Variants in IL26 observed in about 807,000 individuals in gnomAD.
IL26 encodes interleukin 26.
Under a neutral mutation model 21.7 loss-of-function variants are expected in IL26, and 23 were observed. The ratio of observed to expected loss-of-function variants is 1.06; its 90% CI spans 0.76 to 1.50. The LOEUF (loss-of-function observed/expected upper bound fraction) is 1.50, where lower values mean the gene tolerates loss of function less well. IL26 is among the 40% of genes most tolerant of loss of function. The probability of loss-of-function intolerance (pLI) is 0.00; values close to 1 mark genes in which losing one functional copy is unlikely to be tolerated. For missense variants in IL26, 204 were observed against 196.0 expected, an observed-to-expected ratio of 1.04 and a Z score of -0.24; for synonymous variants, 63 against 67.8, an observed-to-expected ratio of 0.93 and a Z score of 0.34.
intron 3 of IL26, among the ~76,000 whole-genome samples, chr12:68,224,281 A>T (rs1869161377): frequency 7.2e-6 from 1 of 139,812 alleles, no homozygotes; most frequent in South Asian, 2.4e-4. Flanking sequence ...ATTCTGGCTC[A>T]GTGTTTTTGT....
At chr12:68,214,401 T>G (rs1400735024) in intron 3 of IL26, among the ~76,000 whole-genome samples, 2 of 152,172 alleles carry the variant, frequency 1.3e-5, no homozygotes, top group Admixed American at 6.5e-5. Context: ...TTTTCCTGTC[T>G]AAATGATCTG....
chr12:68,206,760 G>A (rs1406067476), intron 3 of IL26, among the ~76,000 whole-genome samples: 1 of 152,138 alleles, frequency 6.6e-6, no homozygotes, highest in African/African-American at 2.4e-5. Context: ...TTCCAGAATA[G>A]GACACTTCCA....
intron 3 of IL26, among the ~76,000 whole-genome samples, chr12:68,216,886 C>T (rs1868900344): frequency 6.6e-6 from 1 of 152,176 alleles, no homozygotes; most frequent in Non-Finnish European, 1.5e-5. Context: ...TAAAAACTAA[C>T]AGAAATTATT....
At chr12:68,211,856 G>A (rs867444524) in intron 3 of IL26, among the ~76,000 whole-genome samples, 3 of 151,922 alleles carry the variant, frequency 2.0e-5, no homozygotes, top group Admixed American at 1.3e-4. Context: ...TGTTTCCTTT[G>A]CTGGGCAGAG....
intron 3 of IL26, among the ~76,000 whole-genome samples, chr12:68,216,916 C>G (rs1191258501): frequency 2.0e-5 from 3 of 152,144 alleles, no homozygotes; most frequent in East Asian, 1.9e-4. Context: ...ATTTTGATCA[C>G]TAGCAATTAG....
chr12:68,205,271 C>T (rs532357119), intron 3 of IL26, among the ~76,000 whole-genome samples: 24 of 151,924 alleles, frequency 1.6e-4, no homozygotes, highest in Admixed American at 2.0e-4. Context: ...TGCTGGATAA[C>T]GTTAGGTGCA....
intron 3 of IL26, among the ~76,000 whole-genome samples, chr12:68,215,361 A>G (rs911679228): frequency 1.3e-5 from 2 of 152,124 alleles, no homozygotes; most frequent in African/African-American, 2.4e-5. Context: ...TAAAATTCCA[A>G]TTCTGTTACT....
chr12:68,201,980 A>C, intron 4 of IL26, 38 bp downstream of exon 4: 2 of 1,554,038 alleles, frequency 1.3e-6, no homozygotes, highest in South Asian at 1.2e-5. Context: ...CTATTTTAAA[A>C]AACAAAGTTT....
chr12:68,216,089 G>A (rs1397955735), intron 3 of IL26, among the ~76,000 whole-genome samples: 2 of 151,414 alleles, frequency 1.3e-5, no homozygotes, highest in Admixed American at 6.6e-5. Flanking sequence ...TCAGAAGATC[G>A]AGACCATCCT....
At chr12:68,219,082 C>T (rs2120465436) in intron 3 of IL26, among the ~76,000 whole-genome samples, 1 of 151,858 alleles carries the variant, frequency 6.6e-6, no homozygotes. Flanking sequence ...CAAGAAGCAA[C>T]AGAAGTTCAC....
At chr12:68,223,276 T>C (rs1869114324) in intron 3 of IL26, among the ~76,000 whole-genome samples, 1 of 152,086 alleles carries the variant, frequency 6.6e-6, no homozygotes, top group Admixed American at 6.6e-5. Flanking sequence ...ACGTGTTGCC[T>C]AGCGAGATTG....
intron 3 of IL26, among the ~76,000 whole-genome samples, chr12:68,203,257 A>G (rs1592893643): frequency 6.6e-6 from 1 of 152,226 alleles, no homozygotes; most frequent in East Asian, 1.9e-4. Flanking sequence ...AACAGGAGAA[A>G]GTTAATATCC....
At chr12:68,223,358 A>C (rs564593038) in intron 3 of IL26, among the ~76,000 whole-genome samples, 3 of 152,292 alleles carry the variant, frequency 2.0e-5, no homozygotes, top group South Asian at 2.1e-4. Flanking sequence ...AACCAACCAG[A>C]GCGGCGCCAC....
In IL26 at chr12:68,225,715, G is replaced by A. The variant is rs1220858041; in HGVS notation, c.42C>T (p.Val14=). ...NFILRCGLLL[V]TLSLAIAKHK... ...GCTTGGCAATGGCAAGAGACAGAGTGACTAACAGCAACCCACACCTCAAAA... is the reference window on the plus strand; with the variant it reads ...GCTTGGCAATGGCAAGAGACAGAGTAACTAACAGCAACCCACACCTCAAAA... The change falls in exon 1 of 5, where the codon GTC becomes GTT. Residue 14 remains valine (V), a synonymous_variant. Coordinates refer to ENST00000229134, the MANE Select transcript of IL26 (RefSeq NM_018402.2). 2 of 1,613,874 alleles carry A rather than the reference G, an allele frequency of 1.2e-6. No individual in the cohort carries two copies. Among genetic ancestry groups the A allele is most frequent in the Non-Finnish European group, 1.7e-6 (2 of 1,179,856 alleles).
At chr12:68,223,043 A>G (rs1160461418) in intron 3 of IL26, among the ~76,000 whole-genome samples, 1 of 152,166 alleles carries the variant, frequency 6.6e-6, no homozygotes, top group Non-Finnish European at 1.5e-5. Context: ...GCTGCCAGAA[A>G]TATAAAATTA....
chr12:68,216,795 C>T (rs1039931330), intron 3 of IL26, among the ~76,000 whole-genome samples: 1 of 152,088 alleles, frequency 6.6e-6, no homozygotes, highest in Non-Finnish European at 1.5e-5. Context: ...TACATGCAAC[C>T]GACATGAAGA....
intron 3 of IL26, among the ~76,000 whole-genome samples, chr12:68,212,368 TC>T (rs2120446098): frequency 6.6e-6 from 1 of 151,962 alleles, no homozygotes; most frequent in South Asian, 2.1e-4. Flanking sequence ...TTTTGGGGGG[TC>T]TTTTGTGGTT....
At chr12:68,223,884 G>GTTTTTTTTTTTTTTTTTTTTTTGTTTT (rs376115904) in intron 3 of IL26, among the ~76,000 whole-genome samples, 6 of 132,254 alleles carry the variant, frequency 4.5e-5, no homozygotes, top group Non-Finnish European at 9.5e-5. Flanking sequence ...AAATTTGGTG[G>GTTTTTTTTTTTTTTTTTTTTTTGTTTT]TTTTTTTTTT....
At chr12:68,209,293 C>A (rs1868635394) in intron 3 of IL26, among the ~76,000 whole-genome samples, 1 of 152,184 alleles carries the variant, frequency 6.6e-6, no homozygotes, top group Non-Finnish European at 1.5e-5. Flanking sequence ...AGGCCCTGAG[C>A]TCTGGAAGCC....
Sources: allele counts gnomAD v4.1 joint callset (sites outside exome capture counted in the v4.1 genomes callset), GRCh38; gene constraint gnomAD v4.1.1; transcripts MANE v1.5; gene names NCBI Gene and HGNC (gene_info 2026-07-23, HGNC 2026-07-21).